Variants in IL1RAPL1 observed in about 807,000 individuals in gnomAD.
IL1RAPL1 encodes interleukin 1 receptor accessory protein like 1, also known as interleukin-1 receptor accessory protein-like 1.
In IL1RAPL1, 3 loss-of-function variants were observed where a neutral mutation model predicts 48.4. The observed-to-expected ratio is 0.06, with a 90% CI of 0.03 to 0.16. The LOEUF (loss-of-function observed/expected upper bound fraction) is 0.16, where lower values mean the gene tolerates loss of function less well. Ranked by LOEUF, IL1RAPL1 falls within the 10% of genes least tolerant of loss-of-function variation. IL1RAPL1 has a pLI of 1.00. For synonymous variants in IL1RAPL1, 185 were observed against 187.7 expected (o/e 0.99, Z 0.12); for missense variants, 349 against 530.6 (o/e 0.66, Z 3.36).
chrX:29,279,063 A>T (rs1210575282), intron 2 of IL1RAPL1, among the ~76,000 whole-genome samples: 1 of 112,215 alleles, frequency 8.9e-6, no homozygotes, highest in Non-Finnish European at 1.9e-5. Context: ...AAAAAAATAT[A>T]TCTCCTTCAT....
At chrX:28,990,660 G>C (rs1166357284) in intron 2 of IL1RAPL1, among the ~76,000 whole-genome samples, 2 of 111,463 alleles carry the variant, frequency 1.8e-5, no homozygotes, top group East Asian at 2.8e-4. Flanking sequence ...GCCAGTGACC[G>C]TCTGTTGAGA....
chrX:29,223,003 A>G (rs778285857), intron 2 of IL1RAPL1, among the ~76,000 whole-genome samples: 85 of 111,199 alleles, frequency 7.6e-4, no homozygotes, highest in Non-Finnish European at 1.3e-3. Flanking sequence ...CTCATTCTCA[A>G]TATAAATCAC....
intron 5 of IL1RAPL1, among the ~76,000 whole-genome samples, chrX:29,564,166 T>C (rs1922326004): frequency 8.9e-6 from 1 of 112,004 alleles, no homozygotes; most frequent in African/African-American, 3.2e-5. Flanking sequence ...AACTTGCTGA[T>C]GGCACCTTCA....
chrX:29,782,422 C>T (rs1393870168), intron 6 of IL1RAPL1, among the ~76,000 whole-genome samples: 2 of 111,564 alleles, frequency 1.8e-5, no homozygotes, highest in Non-Finnish European at 3.8e-5. Context: ...AGTGAAGAGT[C>T]ATCCATCAAG....
chrX:29,453,819 C>T (rs1934707777), intron 5 of IL1RAPL1, among the ~76,000 whole-genome samples: 1 of 112,171 alleles, frequency 8.9e-6, no homozygotes, highest in Non-Finnish European at 1.9e-5. Context: ...AAAAAACGTG[C>T]ACTATCTCCC....
chrX:29,870,704 C>T lies in IL1RAPL1; in HGVS notation c.779-46760C>T, dbSNP rs937231787. On this transcript the variant is annotated intron_variant, in intron 6 of 10. Coordinates refer to ENST00000378993, the MANE Select transcript of IL1RAPL1 (RefSeq NM_014271.4). ...TTCTATTCTAACCATTTCTCAATGC[C>T]GAGGACTCATATCTCAGACTCAAGA... Among the ~76,000 whole-genome samples the T allele has an allele frequency of 3.6e-5, 4 of 111,433 alleles. No homozygotes were observed. In the East Asian group the frequency reaches 1.1e-3, roughly 31 times the overall value.
At chrX:29,569,998 A>G (rs1315693183) in intron 5 of IL1RAPL1, among the ~76,000 whole-genome samples, 3 of 112,175 alleles carry the variant, frequency 2.7e-5, no homozygotes, top group Admixed American at 9.5e-5. Context: ...ATGATCCATC[A>G]TATGGAAATA....
At chrX:29,803,379 A>G (rs184941974) in intron 6 of IL1RAPL1, among the ~76,000 whole-genome samples, 4,432 of 81,837 alleles carry the variant, frequency 0.054, 501 homozygotes, top group East Asian at 0.26. Context: ...GTATATATGT[A>G]TACATGTATA....
intron 2 of IL1RAPL1, among the ~76,000 whole-genome samples, chrX:28,965,414 G>T (rs1227398583): frequency 1.8e-5 from 2 of 111,200 alleles, no homozygotes; most frequent in Admixed American, 9.6e-5. Context: ...AACATTAAAG[G>T]TCTGAAAAAA....
At chrX:29,686,793 C>T (rs1039993847) in intron 6 of IL1RAPL1, among the ~76,000 whole-genome samples, 11 of 109,722 alleles carry the variant, frequency 1.0e-4, no homozygotes, top group Admixed American at 8.8e-4. Context: ...CTCCTGACCT[C>T]GTGATCCGTC....
chrX:29,526,452 AAAG>A (rs1261299585), intron 5 of IL1RAPL1, among the ~76,000 whole-genome samples: 2 of 111,954 alleles, frequency 1.8e-5, no homozygotes, highest in East Asian at 5.6e-4. Context: ...AAGAACTAGA[AAAG>A]AAGAAGTAAA....
At chrX:28,763,894 C>T (rs1936205091) in intron 1 of IL1RAPL1, among the ~76,000 whole-genome samples, 1 of 110,847 alleles carries the variant, frequency 9.0e-6, no homozygotes, top group African/African-American at 3.3e-5. Context: ...CTTGTACTTA[C>T]CAAGTCATTA....
At chrX:28,679,125 C>T (rs757384130) in intron 1 of IL1RAPL1, among the ~76,000 whole-genome samples, 4 of 111,984 alleles carry the variant, frequency 3.6e-5, no homozygotes, top group Non-Finnish European at 5.6e-5. Context: ...TTAATAATAG[C>T]TATTCTAACA....
intron 5 of IL1RAPL1, among the ~76,000 whole-genome samples, chrX:29,647,377 C>A (rs915851230): frequency 1.9e-5 from 2 of 107,725 alleles, no homozygotes; most frequent in Non-Finnish European, 3.8e-5. Context: ...TACTCTAATA[C>A]GGTAATGATG....
chrX:29,930,148 T>C (rs1438885387), intron 8 of IL1RAPL1, among the ~76,000 whole-genome samples: 6 of 112,280 alleles, frequency 5.3e-5, no homozygotes, highest in Non-Finnish European at 3.8e-5. Flanking sequence ...TAAAATCAGA[T>C]GATTGACTCC....
In IL1RAPL1 at chrX:29,852,328, G is replaced by GA. The variant is rs201999200; in HGVS notation, c.779-65127dup. Among the ~76,000 whole-genome samples the GA allele has an allele frequency of 2.5e-3, 274 of 109,864 alleles. 4 individuals are homozygous for GA. The highest frequency in any genetic ancestry group is 8.0e-4 in the Non-Finnish European group (42 of 52,454). ...ATTTTTGGTACAGGGAATTAGAAGA[G>GA]AAAAAAAAAGTGTTAAGGGGCATTC... On this transcript the variant is annotated intron_variant, in intron 6 of 10. Coordinates refer to ENST00000378993, the MANE Select transcript of IL1RAPL1 (RefSeq NM_014271.4).
At chrX:29,393,845 G>GA (rs1435450707) in intron 3 of IL1RAPL1, among the ~76,000 whole-genome samples, 3 of 109,412 alleles carry the variant, frequency 2.7e-5, no homozygotes, top group African/African-American at 9.9e-5. Flanking sequence ...ATTTTTTTCT[G>GA]AAAAAATAAT....
chrX:29,266,146 G>A, intron 2 of IL1RAPL1, among the ~76,000 whole-genome samples: 1 of 111,192 alleles, frequency 9.0e-6, no homozygotes, highest in Admixed American at 9.6e-5. Flanking sequence ...AAATCATGCT[G>A]CTATAAAGAC....
chrX:28,924,036 A>T (rs1923678536), intron 2 of IL1RAPL1: 1 of 111,544 alleles, frequency 9.0e-6, no homozygotes, highest in South Asian at 3.7e-4. Context: ...TATATACAAG[A>T]TTTCAATTTG....
Sources: allele counts gnomAD v4.1 joint callset (sites outside exome capture counted in the v4.1 genomes callset), GRCh38; gene constraint gnomAD v4.1.1; transcripts MANE v1.5; gene names NCBI Gene and HGNC (gene_info 2026-07-23, HGNC 2026-07-21).